ABTB2: variants seen among roughly 807,000 people sequenced by gnomAD.
ABTB2 encodes the protein ankyrin repeat and BTB/POZ domain-containing protein 2.
ABTB2 carries 56 observed loss-of-function variants against 104.1 expected under a neutral mutation model. The ratio of observed to expected loss-of-function variants is 0.54; its 90% confidence interval spans 0.43 to 0.67. ABTB2 has a LOEUF of 0.67. Among genes scored for constraint, ABTB2 ranks in the 30% least tolerant of loss-of-function variants. ABTB2 has a pLI of 0.00. For synonymous variants in ABTB2, 606 were observed against 608.2 expected, an observed-to-expected ratio of 1.00 and a Z score of 0.05; for missense variants, 1,279 against 1,407.7, an observed-to-expected ratio of 0.91 and a Z score of 1.46.
intron 1 of ABTB2, among the ~76,000 whole-genome samples, chr11:34,301,608 TGA>T (rs1854707260): frequency 6.6e-6 from 1 of 152,256 alleles, no homozygotes; most frequent in Admixed American, 6.5e-5. Flanking sequence ...CCTCTGCCTG[TGA>T]CCCAGAGATG....
At chr11:34,268,345 G>A (rs375368903) in intron 1 of ABTB2, among the ~76,000 whole-genome samples, 1 of 152,308 alleles carries the variant, frequency 6.6e-6, no homozygotes, top group African/African-American at 2.4e-5. Flanking sequence ...GGAACACGAA[G>A]CAGAAGATGC....
At chr11:34,241,702 G>C (rs911185062) in intron 1 of ABTB2, among the ~76,000 whole-genome samples, 1 of 152,140 alleles carries the variant, frequency 6.6e-6, no homozygotes, top group African/African-American at 2.4e-5. Context: ...GACCAGCCTG[G>C]GCAAGATGGC....
intron 1 of ABTB2, among the ~76,000 whole-genome samples, chr11:34,217,285 C>T (rs1853561001): frequency 1.3e-5 from 2 of 152,188 alleles, no homozygotes; most frequent in African/African-American, 4.8e-5. Context: ...GTTTGCCTGT[C>T]GTGCATCATC....
chr11:34,240,783 G>C (rs951782236), intron 1 of ABTB2, among the ~76,000 whole-genome samples: 3 of 25,440 alleles, frequency 1.2e-4, no homozygotes, highest in African/African-American at 4.0e-4. Flanking sequence ...TAGTGGAGAG[G>C]GGGGTTTCAC....
chr11:34,295,057 G>A (rs1854605350), intron 1 of ABTB2, among the ~76,000 whole-genome samples: 1 of 152,144 alleles, frequency 6.6e-6, no homozygotes, highest in Admixed American at 6.5e-5. Context: ...GGAGGTGCAA[G>A]CCTGTAGTCC....
chr11:34,236,987 A>G (rs1853852235), intron 1 of ABTB2, among the ~76,000 whole-genome samples: 1 of 152,162 alleles, frequency 6.6e-6, no homozygotes, highest in South Asian at 2.1e-4. Context: ...AATCATTTAA[A>G]CTGTACAAGG....
intron 1 of ABTB2, among the ~76,000 whole-genome samples, chr11:34,353,292 G>A (rs570015706): frequency 6.6e-6 from 1 of 152,260 alleles, no homozygotes; most frequent in Non-Finnish European, 1.5e-5. Flanking sequence ...CAAAAGCTTA[G>A]TAAGAAGAAT....
intron 3 of ABTB2, among the ~76,000 whole-genome samples, chr11:34,185,137 T>C (rs1440162659): frequency 6.6e-6 from 1 of 152,180 alleles, no homozygotes; most frequent in African/African-American, 2.4e-5. Flanking sequence ...CCAACTCTCA[T>C]AGTATAAGGC....
intron 1 of ABTB2, among the ~76,000 whole-genome samples, chr11:34,298,783 T>A (rs1304074268): frequency 1.3e-5 from 2 of 152,090 alleles, no homozygotes; most frequent in Non-Finnish European, 2.9e-5. Context: ...CTTTTAAAAG[T>A]CATTTTATTT....
intron 1 of ABTB2, among the ~76,000 whole-genome samples, chr11:34,336,559 C>T (rs889972715): frequency 8.6e-5 from 13 of 152,024 alleles, no homozygotes; most frequent in Non-Finnish European, 1.8e-4. Context: ...GGAAAGATCA[C>T]TTGAGCCCAG....
intron 3 of ABTB2, among the ~76,000 whole-genome samples, chr11:34,183,450 C>A (rs557630727): frequency 6.6e-6 from 1 of 152,190 alleles, no homozygotes; most frequent in African/African-American, 2.4e-5. Context: ...CTGGGACTAC[C>A]GGGTGTAAAC....
Position 34,194,394 on chromosome 11 carries a change from G to A in ABTB2, c.1244+2931C>T, listed in dbSNP as rs550877478. 6.6e-5 allele frequency among the ~76,000 whole-genome samples: 10 copies of A among 152,336 alleles called. No individual in the cohort carries two copies. In the East Asian group the frequency reaches 1.7e-3, roughly 26 times the overall value. ...ATGCTTCCAGGTGGGACAGAGGACG[G>A]GGCTTCAGGAGGATGAAGTGGAGCA... On this transcript the variant is annotated intron_variant, in intron 3 of 16. Coordinates refer to ENST00000435224, the MANE Select transcript of ABTB2 (RefSeq NM_145804.3).
intron 1 of ABTB2, among the ~76,000 whole-genome samples, chr11:34,267,799 T>TTA (rs60616245): frequency 0.26 from 39,651 of 152,118 alleles, 8,175 homozygotes; most frequent in African/African-American, 0.57. Flanking sequence ...CACGGGGGTT[T>TTA]TTTGGGGTAC....
At chr11:34,159,664 A>T (rs927462066) in intron 13 of ABTB2, among the ~76,000 whole-genome samples, 2 of 152,182 alleles carry the variant, frequency 1.3e-5, no homozygotes, top group African/African-American at 2.4e-5. Context: ...ATGTTTTCTA[A>T]TAATAAAAGC....
At chr11:34,349,179 A>G (rs1179734337) in intron 1 of ABTB2, among the ~76,000 whole-genome samples, 1 of 152,200 alleles carries the variant, frequency 6.6e-6, no homozygotes. Context: ...ACCTGCTATG[A>G]TCTGTGGCTG....
At chr11:34,195,087 G>GGC (rs1303198010) in intron 3 of ABTB2, among the ~76,000 whole-genome samples, 1 of 68,940 alleles carries the variant, frequency 1.5e-5, no homozygotes, top group African/African-American at 4.7e-5. Context: ...GGGGGGGGGA[G>GGC]TGGGGGCGGG....
chr11:34,158,989 G>T (rs1049892203), intron 14 of ABTB2, among the ~76,000 whole-genome samples: 6 of 152,162 alleles, frequency 3.9e-5, no homozygotes, highest in African/African-American at 1.4e-4. Context: ...AGCCCACCCT[G>T]ATAACAAGGA....
In ABTB2 at chr11:34,203,899, C is replaced by T. The variant is rs149704671; in HGVS notation, c.1030+645G>A. Among the ~76,000 whole-genome samples, 408 of 152,254 alleles carry T rather than the reference C, an allele frequency of 2.7e-3. 2 individuals carry two copies. Among genetic ancestry groups the T allele is most frequent in the African/African-American group, 9.2e-3 (382 of 41,534 alleles). On this transcript the variant is annotated intron_variant, in intron 2 of 16. Transcript: ENST00000435224. ...ACAGAGCGAGGGGGAATGAAGGCAG[C>T]AGAGGATGTAGTCAGATTTCTCAAA...
At chr11:34,272,836 C>T (rs777102504) in intron 1 of ABTB2, among the ~76,000 whole-genome samples, 8 of 150,974 alleles carry the variant, frequency 5.3e-5, no homozygotes, top group Non-Finnish European at 7.4e-5. Context: ...TATCATGAGA[C>T]GCAGTTCAGA....
Sources: allele counts gnomAD v4.1 joint callset (sites outside exome capture counted in the v4.1 genomes callset), GRCh38; gene constraint gnomAD v4.1.1; transcripts MANE v1.5; gene names NCBI Gene and HGNC (gene_info 2026-07-23, HGNC 2026-07-21).